The following SYT5 variants were observed in gnomAD, a reference collection of about 807,000 sequenced individuals.
SYT5 encodes synaptotagmin-5.
SYT5 carries 29 observed loss-of-function variants against 36.0 expected under a neutral mutation model. The observed-to-expected ratio is 0.81, with a 90% CI of 0.60 to 1.10. SYT5 has a LOEUF of 1.10. Ranked by LOEUF, SYT5 falls within the 50% of genes least tolerant of loss-of-function variation. The pLI, the probability that SYT5 is intolerant of heterozygous loss-of-function variation, is 0.00. For synonymous variants in SYT5, 231 were observed against 227.6 expected, an observed-to-expected ratio of 1.02 and a Z score of -0.14; for missense variants, 512 against 516.0, an observed-to-expected ratio of 0.99 and a Z score of 0.08.
chr19:55,174,531 A>T lies in SYT5; in HGVS notation c.946T>A (p.Cys316Ser). The T allele has an allele frequency of 6.2e-7, 1 of 1,614,110 alleles. No homozygotes were observed. ...TTTGAGCTCACCTGGACTTGGTCACAGGGCACCTCGAAGCTGAAAGCTTCG... is the reference window on the plus strand; with the variant it reads ...TTTGAGCTCACCTGGACTTGGTCACTGGGCACCTCGAAGCTGAAAGCTTCG... Reference protein sequence around the residue: ...YNEAFSFEVPCDQVQKVQVEL... With the variant: ...YNEAFSFEVPSDQVQKVQVEL... The change falls in exon 8 of 9, where the codon TGT becomes AGT. Residue 316 changes from cysteine to serine, a missense_variant. By Grantham distance (112) the Cys-to-Ser change is moderately radical. Coordinates refer to ENST00000354308, the MANE Select transcript of SYT5 (RefSeq NM_003180.3).
chr19:55,175,340 C>G lies in SYT5; in HGVS notation c.541-1G>C. The G allele has an allele frequency of 6.5e-7, 1 of 1,527,950 alleles. No individual in the cohort carries two copies. Among genetic ancestry groups the G allele is most frequent in the Non-Finnish European group, 8.8e-7 (1 of 1,141,510 alleles). 94.6% of individuals were successfully genotyped at this position (1,527,950 alleles called of 1,614,324 possible). A position where few individuals can be genotyped will look rare whatever the true frequency, so the allele number is the denominator to read the frequency against. On this transcript the variant is annotated splice_acceptor_variant, in intron 5 of 8. Transcript: ENST00000354308. LOFTEE classifies it high-confidence loss of function. This position sits in a 1 kb window ranked among gnomAD's most constrained non-coding sequence, Gnocchi z 4.5. ...TGCCCCCCAGCTCCACGTAGGGGACCTGGAGTGCACAGAGAATCCGCAGTA... is the reference window on the plus strand; with the variant it reads ...TGCCCCCCAGCTCCACGTAGGGGACGTGGAGTGCACAGAGAATCCGCAGTA...
In SYT5 at chr19:55,175,419, T is replaced by C; in HGVS notation, c.541-80A>G. ...GCACAGCACAACCAGAAGGAAGGCA[T>C]GGAGTGAGGCAGCGAGGGTCGAAGC... On this transcript the variant is annotated intron_variant, in intron 5 of 8. Coordinates refer to ENST00000354308, the MANE Select transcript of SYT5 (RefSeq NM_003180.3). The surrounding 1 kb of genome is among the most constrained non-coding windows in gnomAD (Gnocchi z 4.5). The C allele has an allele frequency of 7.1e-7, 1 of 1,409,266 alleles. No individual in the cohort carries two copies. The highest frequency in any genetic ancestry group is 1.8e-4 in the Middle Eastern group (1 of 5,416). The allele number at this position is 1,409,266 out of a possible 1,614,324, so 87.3% of individuals were successfully genotyped here.
intron 3 of SYT5, among the ~76,000 whole-genome samples, chr19:55,177,775 T>G (rs1169883016): frequency 6.6e-6 from 1 of 152,136 alleles, no homozygotes; most frequent in Non-Finnish European, 1.5e-5. Flanking sequence ...AGGCTAGTCT[T>G]GAATTCATGA....
At chr19:55,174,405 A>G (rs961731213) in intron 8 of SYT5, 112 bp downstream of exon 8, 41 of 1,404,664 alleles carry the variant, frequency 2.9e-5, no homozygotes, top group Non-Finnish European at 3.7e-5. Flanking sequence ...TGAGAGCATA[A>G]CCTCAGACCC....
intron 3 of SYT5, 161 bp from the exon 4 acceptor site, chr19:55,176,285 A>G (rs1599945212): frequency 1.1e-6 from 1 of 930,478 alleles, no homozygotes; most frequent in Non-Finnish European, 1.6e-6. Context: ...CACAGGCAGG[A>G]AATAGACGTG....
chr19:55,175,674 GC>G lies in SYT5; in HGVS notation c.540+34del. On this transcript the variant is annotated intron_variant, in intron 5 of 8. Transcript: ENST00000354308. The surrounding 1 kb of genome is among the most constrained non-coding windows in gnomAD (Gnocchi z 4.5). ...CTAGTGTTCCAGGGACTGGGCACAGGCTATGGAACACGGGGCCTGAAGGCAG... is the reference window on the plus strand; with the variant it reads ...CTAGTGTTCCAGGGACTGGGCACAGGTATGGAACACGGGGCCTGAAGGCAG... The G allele has an allele frequency of 1.2e-6, 2 of 1,609,288 alleles. No homozygotes were observed. The highest frequency in any genetic ancestry group is 1.7e-6 in the Non-Finnish European group (2 of 1,178,020).
In SYT5 at chr19:55,176,101, C is replaced by A; in HGVS notation, c.276G>T (p.Leu92=). The A allele has an allele frequency of 6.2e-7, 1 of 1,614,166 alleles. No homozygotes were observed. The highest frequency in any genetic ancestry group is 8.5e-7 in the Non-Finnish European group (1 of 1,180,046). ...IDKVQPEVEE[L]EPAPSGPGQQ... is the part of the protein sequence containing the mutation. ...GCCCTGGCCCGGATGGTGCTGGCTC[C>A]AGCTCCTCTACTTCTGGCTGCACCT... The change falls in exon 4 of 9, where the codon CTG becomes CTT. Residue 92 remains leucine, a synonymous_variant. Coordinates refer to ENST00000354308, the MANE Select transcript of SYT5 (RefSeq NM_003180.3).
Position 55,175,051 on chromosome 19 carries a change from C to G in SYT5, c.709-52G>C. ...AGCCCCGGCTCCACATCCATGCCTC[C>G]TCAGGGGTACAATCCACGCCGCCCT... On this transcript the variant is annotated intron_variant, in intron 6 of 8. Coordinates refer to ENST00000354308, the MANE Select transcript of SYT5 (RefSeq NM_003180.3). The surrounding 1 kb of genome is among the most constrained non-coding windows in gnomAD (Gnocchi z 4.5). 1 of 1,604,626 alleles carries G rather than the reference C, an allele frequency of 6.2e-7. No homozygotes were observed. Among genetic ancestry groups the G allele is most frequent in the East Asian group, 2.2e-5 (1 of 44,826 alleles).
rs771193116 is a variant in SYT5, at chr19:55,175,670, A to G, written c.540+39T>C. On this transcript the variant is annotated intron_variant, in intron 5 of 8. Transcript: ENST00000354308. The surrounding 1 kb of genome is among the most constrained non-coding windows in gnomAD (Gnocchi z 4.5). ...GTCCCTAGTGTTCCAGGGACTGGGC[A>G]CAGGCTATGGAACACGGGGCCTGAA... The G allele has an allele frequency of 1.2e-6, 2 of 1,605,516 alleles. No individual in the cohort carries two copies. Among genetic ancestry groups the G allele is most frequent in the Non-Finnish European group, 1.7e-6 (2 of 1,175,276 alleles).
chr19:55,173,202 G>A lies in SYT5; in HGVS notation c.*282C>T, dbSNP rs1188421008. The A allele has an allele frequency of 1.3e-5, 5 of 375,926 alleles. No homozygotes were observed. The highest frequency in any genetic ancestry group is 2.4e-5 in the Non-Finnish European group (5 of 211,740). 23.3% of individuals were successfully genotyped at this position (375,926 alleles called of 1,614,324 possible). A position where few individuals can be genotyped will look rare whatever the true frequency, so the allele number is the denominator to read the frequency against. Reference sequence around the variant, plus strand: ...GGATGGCTGATTGTCAAAGCAGGGGGCAGGACCCGGGGGCAGGAGAAACCA... The same window carrying A: ...GGATGGCTGATTGTCAAAGCAGGGGACAGGACCCGGGGGCAGGAGAAACCA... On this transcript the variant is annotated 3_prime_UTR_variant, in exon 9 of 9. Transcript: ENST00000354308. The surrounding 1 kb of genome is among the most constrained non-coding windows in gnomAD (Gnocchi z 5.4).
chr19:55,175,287 A>G lies in SYT5; in HGVS notation c.593T>C (p.Phe198Ser). ...GRVLVMAVYD[F>S]DRFSRNDAIG... is the part of the protein sequence containing the mutation. ...GGCGTCATTGCGAGAGAAGCGGTCGAAGTCGTACACCGCCATGACCAGCAC... is the reference window on the plus strand; with the variant it reads ...GGCGTCATTGCGAGAGAAGCGGTCGGAGTCGTACACCGCCATGACCAGCAC... Residue 198 changes from phenylalanine (F) to serine (S), a missense_variant, in exon 6 of 9, where the codon TTC (phenylalanine) becomes TCC (serine). Phe to Ser is a radical substitution (Grantham distance 155, BLOSUM62 -2). Transcript: ENST00000354308. The surrounding 1 kb of genome is among the most constrained non-coding windows in gnomAD (Gnocchi z 4.5). 3 of 1,592,852 alleles carry G rather than the reference A, an allele frequency of 1.9e-6. No individual in the cohort carries two copies. Among genetic ancestry groups the G allele is most frequent in the East Asian group, 2.2e-5 (1 of 44,732 alleles).
rs771229957 is a variant in SYT5, at chr19:55,173,484, T to A, written c.1161A>T (p.Ter387CysextTer34). 7.4e-7 allele frequency: 1 copy of A among 1,342,972 alleles called. No homozygotes were observed. Among genetic ancestry groups the A allele is most frequent in the South Asian group, 1.9e-5 (1 of 53,060 alleles). The allele number at this position is 1,342,972 out of a possible 1,614,324, so 83.2% of individuals were successfully genotyped here. A position where few individuals can be genotyped will look rare whatever the true frequency, so the allele number is the denominator to read the frequency against. The change falls in exon 9 of 9, where the codon TGA (stop) becomes TGT (cysteine). Residue 387 changes from the stop codon to cysteine, a stop_lost. Coordinates refer to ENST00000354308, the MANE Select transcript of SYT5 (RefSeq NM_003180.3). This position sits in a 1 kb window ranked among gnomAD's most constrained non-coding sequence, Gnocchi z 5.4. The stretch of plus-strand genomic sequence containing the variant: ...CTTGGCCGGGGGCTTGGGGTGGGAG[T>A]CAGGGCGCAGGCAGCAGCCTCACTC... Reference protein sequence around the residue: ...PDRVRLLPAP* With the variant: ...PDRVRLLPAPC
rs997155496 is a variant in SYT5 at position 55,179,910 on chromosome 19, C to T, written c.-46+207G>A. The T allele has an allele frequency of 5.1e-4, 78 of 153,144 alleles. 1 individual carries two copies. Among genetic ancestry groups the T allele is most frequent in the African/African-American group, 1.9e-3 (77 of 41,458 alleles). 9.5% of individuals were successfully genotyped at this position (153,144 alleles called of 1,614,324 possible). A position where few individuals can be genotyped will look rare whatever the true frequency, so the allele number is the denominator to read the frequency against. ...GCCTCTGTCTCCAGGGTCTCTCCCTCTCCCCTCCGCCTGCGCCCCACTCCC... is the reference window on the plus strand; with the variant it reads ...GCCTCTGTCTCCAGGGTCTCTCCCTTTCCCCTCCGCCTGCGCCCCACTCCC... On this transcript the variant is annotated intron_variant, in intron 1 of 8. Coordinates refer to ENST00000354308, the MANE Select transcript of SYT5 (RefSeq NM_003180.3). The surrounding 1 kb of genome is among the most constrained non-coding windows in gnomAD (Gnocchi z 4.5).
Position 55,179,115 on chromosome 19 carries a change from C to G in SYT5, c.-45-29G>C. The G allele has an allele frequency of 6.5e-7, 1 of 1,547,630 alleles. No individual in the cohort carries two copies. Among genetic ancestry groups the G allele is most frequent in the East Asian group, 2.4e-5 (1 of 41,318 alleles). ...GTCCCCCATTCCCACCCCAGACGTC[C>G]TTTGAGCCCCACGCACAACAAAGAA... On this transcript the variant is annotated intron_variant, in intron 1 of 8. Coordinates refer to ENST00000354308, the MANE Select transcript of SYT5 (RefSeq NM_003180.3). This position sits in a 1 kb window ranked among gnomAD's most constrained non-coding sequence, Gnocchi z 4.5.
chr19:55,178,848 A>T, intron 2 of SYT5, 115 bp downstream of exon 2: 1 of 1,094,518 alleles, frequency 9.1e-7, no homozygotes, highest in Non-Finnish European at 1.1e-6. Context: ...ACGACCCGGG[A>T]TCCCAGCCGG....
In SYT5 at chr19:55,175,306, C is replaced by T. The variant is rs753111472; in HGVS notation, c.574G>A (p.Val192Ile). The T allele has an allele frequency of 2.6e-6, 4 of 1,562,136 alleles. No homozygotes were observed. The highest frequency in any genetic ancestry group is 2.0e-5 in the Admixed American group (1 of 51,104). ...CGGTCGAAGTCGTACACCGCCATGA[C>T]CAGCACCCTGCCCCCCAGCTCCACG... Reference protein sequence around the residue: ...PYVELGGRVLVMAVYDFDRFS... With the variant: ...PYVELGGRVLIMAVYDFDRFS... The change falls in exon 6 of 9, where the codon GTC (valine) becomes ATC (isoleucine). Residue 192 changes from valine (V) to isoleucine (I), a missense_variant. Transcript: ENST00000354308. The surrounding 1 kb of genome is among the most constrained non-coding windows in gnomAD (Gnocchi z 4.5).
Position 55,178,956 on chromosome 19 carries a change from T to C in SYT5, c.79+7A>G. 1 of 1,511,802 alleles carries C rather than the reference T, an allele frequency of 6.6e-7. No individual in the cohort carries two copies. The highest frequency in any genetic ancestry group is 8.8e-7 in the Non-Finnish European group (1 of 1,130,264). The allele number at this position is 1,511,802 out of a possible 1,614,324, so 93.6% of individuals were successfully genotyped here. A position where few individuals can be genotyped will look rare whatever the true frequency, so the allele number is the denominator to read the frequency against. On this transcript the variant is annotated splice_region_variant and intron_variant, in intron 2 of 8. Coordinates refer to ENST00000354308, the MANE Select transcript of SYT5 (RefSeq NM_003180.3). ...TGCTCGGCCCCCCACCCCCGGGTCT[T>C]GCTCACCTGGGCCGTGGCTGATGCG...
In SYT5 at chr19:55,172,087, A is replaced by T. The variant is rs983485226; in HGVS notation, c.*1397T>A. 3.0e-5 allele frequency: 4 copies of T among 133,286 alleles called. No homozygotes were observed. Among genetic ancestry groups the T allele is most frequent in the Non-Finnish European group, 6.2e-5 (4 of 64,374 alleles). The allele number at this position is 133,286 out of a possible 1,614,324, so 8.3% of individuals were successfully genotyped here. A position where few individuals can be genotyped will look rare whatever the true frequency, so the allele number is the denominator to read the frequency against. Reference sequence around the variant, plus strand: ...AACAGCGAAACTCCGTCTCAAAATTAAAAAAAAGAAGAAGAGAAGAAAAGA... The same window carrying T: ...AACAGCGAAACTCCGTCTCAAAATTTAAAAAAAGAAGAAGAGAAGAAAAGA... On this transcript the variant is annotated 3_prime_UTR_variant, in exon 9 of 9. Transcript: ENST00000354308.
intron 8 of SYT5, chr19:55,174,080 G>A (rs2086038219): frequency 9.5e-6 from 2 of 209,648 alleles, no homozygotes; most frequent in Non-Finnish European, 1.9e-5. Context: ...CCTGAGGAGG[G>A]CGGGGCATCC....
Sources: gnomAD v4.1 joint callset for allele counts (sites outside exome capture counted in the v4.1 genomes callset) on GRCh38, gnomAD v4.1.1 for gene constraint, Gnocchi (gnomAD v3.1) non-coding constraint, MANE v1.5 for transcripts, NCBI Gene and HGNC (gene_info 2026-07-23, HGNC 2026-07-21) for gene names.